Variants in SLC9A2 observed in about 807,000 individuals in gnomAD.
SLC9A2 encodes the protein solute carrier family 9 member A2, also known as sodium/hydrogen exchanger 2.
Under a neutral mutation model 71.7 loss-of-function variants are expected in SLC9A2, and 42 were observed. The ratio of observed to expected loss-of-function variants is 0.59; its 90% CI spans 0.46 to 0.76. SLC9A2 has a LOEUF of 0.76. SLC9A2 is among the 30% of genes least tolerant of loss of function. SLC9A2 has a pLI of 0.00. For synonymous variants in SLC9A2, 396 were observed against 392.5 expected, an observed-to-expected ratio of 1.01 and a Z score of -0.10; for missense variants, 829 against 1,017.4, an observed-to-expected ratio of 0.81 and a Z score of 2.52.
chr2:102,694,987 G>A (rs1677727492), intron 6 of SLC9A2, 56 bp from the exon 7 acceptor site: 1 of 1,452,594 alleles, frequency 6.9e-7, no homozygotes, highest in East Asian at 2.3e-5. Context: ...CAAGTAGAGT[G>A]AAAATTATTG....
At chr2:102,705,705 T>C (rs925495572) in intron 10 of SLC9A2, 141 bp from the exon 11 acceptor site, 4 of 520,024 alleles carry the variant, frequency 7.7e-6, no homozygotes, top group African/African-American at 6.0e-5. Context: ...ATAATAGTTA[T>C]AGCCCCTCAC....
At chr2:102,693,874 T>G (rs1353541807) in intron 5 of SLC9A2, among the ~76,000 whole-genome samples, 1 of 152,216 alleles carries the variant, frequency 6.6e-6, no homozygotes, top group Non-Finnish European at 1.5e-5. Flanking sequence ...GAAAATCGTT[T>G]TAATAAATGA....
intron 1 of SLC9A2, among the ~76,000 whole-genome samples, chr2:102,628,394 A>G (rs1349304535): frequency 4.6e-5 from 7 of 152,152 alleles, no homozygotes; most frequent in Admixed American, 1.3e-4. Flanking sequence ...CTCAGAGTCC[A>G]CAAAATCAGT....
At chr2:102,620,350 GC>G (rs1477514678) in intron 1 of SLC9A2, among the ~76,000 whole-genome samples, 1 of 152,184 alleles carries the variant, frequency 6.6e-6, no homozygotes, top group African/African-American at 2.4e-5. Flanking sequence ...CCTTGAAATG[GC>G]CCCAAGTGTA....
In SLC9A2 at chr2:102,657,810, G is replaced by A; in HGVS notation, c.536G>A (p.Trp179Ter). 1.2e-6 allele frequency: 2 copies of A among 1,614,168 alleles called. No homozygotes were observed. Among genetic ancestry groups the A allele is most frequent in the Non-Finnish European group, 1.7e-6 (2 of 1,180,020 alleles). Residue 179 changes from tryptophan (W) to a stop codon, truncating the protein, a stop_gained, in exon 2 of 12, where the codon TGG becomes TAG. Coordinates refer to ENST00000233969, the MANE Select transcript of SLC9A2 (RefSeq NM_003048.6). LOFTEE classifies it high-confidence loss of function. ...TGGTATGCTGTGGTAGGGACACTTTGGAATTCCATTGGCATTGGGGTGTCT... is the reference window on the plus strand; with the variant it reads ...TGGTATGCTGTGGTAGGGACACTTTAGAATTCCATTGGCATTGGGGTGTCT... ...IFWYAVVGTL[W>*]NSIGIGVSLF... is the part of the protein sequence containing the mutation.
At chr2:102,651,131 T>A (rs1414030924) in intron 1 of SLC9A2, among the ~76,000 whole-genome samples, 1 of 151,796 alleles carries the variant, frequency 6.6e-6, no homozygotes, top group Admixed American at 6.6e-5. Context: ...ATGCCCCCCA[T>A]CCCCCTCCTG....
chr2:102,656,009 A>G lies in SLC9A2; in HGVS notation c.290-1555A>G, dbSNP rs543584203. ...TAATCACCCCTTAAAGGCTCCATCC[A>G]CCTCTTACAGCTATCACGTTGGCAA... is the stretch of plus-strand genomic sequence containing the variant. On this transcript the variant is annotated intron_variant, in intron 1 of 11. Coordinates refer to ENST00000233969, the MANE Select transcript of SLC9A2 (RefSeq NM_003048.6). Among the ~76,000 whole-genome samples the G allele has an allele frequency of 9.2e-5, 14 of 152,256 alleles. No homozygotes were observed. In the South Asian group the frequency reaches 2.9e-3, roughly 32 times the overall value.
intron 1 of SLC9A2, among the ~76,000 whole-genome samples, chr2:102,641,056 T>C (rs529049013): frequency 6.6e-6 from 1 of 152,280 alleles, no homozygotes; most frequent in Admixed American, 6.5e-5. Context: ...AAATATATAC[T>C]TCTTGCTGAC....
intron 5 of SLC9A2, among the ~76,000 whole-genome samples, chr2:102,691,299 T>TA (rs1164753029): frequency 6.6e-6 from 1 of 152,176 alleles, no homozygotes; most frequent in East Asian, 1.9e-4. Context: ...GTATTTTTTT[T>TA]ATTCTGTATG....
At chr2:102,636,380 G>A (rs1274991320) in intron 1 of SLC9A2, among the ~76,000 whole-genome samples, 1 of 152,234 alleles carries the variant, frequency 6.6e-6, no homozygotes, top group Non-Finnish European at 1.5e-5. Context: ...ATGCAGTTAA[G>A]TGTTAGCAAC....
chr2:102,659,784 G>C (rs1677017490), intron 2 of SLC9A2, among the ~76,000 whole-genome samples: 1 of 152,146 alleles, frequency 6.6e-6, no homozygotes, highest in Admixed American at 6.5e-5. Context: ...AATTTCCAGA[G>C]GCAGAAGGCA....
At chr2:102,679,100 C>T (rs941741130) in intron 3 of SLC9A2, among the ~76,000 whole-genome samples, 1 of 152,138 alleles carries the variant, frequency 6.6e-6, no homozygotes, top group Admixed American at 6.6e-5. Context: ...ATGTTTCCTC[C>T]AGCCCCTCAG....
intron 1 of SLC9A2, among the ~76,000 whole-genome samples, chr2:102,647,319 C>T (rs534342719): frequency 6.6e-6 from 1 of 152,216 alleles, no homozygotes; most frequent in African/African-American, 2.4e-5. Flanking sequence ...ACACAAGGTA[C>T]CAGAATCTCT....
chr2:102,700,763 G>A (rs1677856955), intron 7 of SLC9A2, among the ~76,000 whole-genome samples: 1 of 152,000 alleles, frequency 6.6e-6, no homozygotes, highest in Admixed American at 6.6e-5. Context: ...AGATTTATGT[G>A]CATCAGGGTC....
In SLC9A2 at chr2:102,708,276, T is replaced by G. The variant is rs989175326; in HGVS notation, c.2226T>G (p.Asp742Glu). The G allele has an allele frequency of 5.6e-6, 9 of 1,614,028 alleles. No homozygotes were observed. Among genetic ancestry groups the G allele is most frequent in the African/African-American group, 1.3e-5 (1 of 74,904 alleles). ...AGGTAGATGTTGATTCTGGCCGAGA[T>G]ATGCCCAGCACCCCCCCAACACCCC... ...KNEVDVDSGR[D>E]MPSTPPTPHS... Residue 742 changes from aspartate (D) to glutamate (E), a missense_variant, in exon 12 of 12, where the codon GAT (aspartate) becomes GAG (glutamate). Transcript: ENST00000233969.
chr2:102,706,791 A>C (rs1573438430), intron 11 of SLC9A2, among the ~76,000 whole-genome samples: 1 of 152,258 alleles, frequency 6.6e-6, no homozygotes, highest in Non-Finnish European at 1.5e-5. Flanking sequence ...AAATTTTTAC[A>C]GTAATTCTAA....
In SLC9A2 at chr2:102,694,467, G is replaced by A; in HGVS notation, c.1479G>A (p.Lys493=). 6.5e-7 allele frequency: 1 copy of A among 1,544,002 alleles called. No individual in the cohort carries two copies. Among genetic ancestry groups the A allele is most frequent in the Admixed American group, 1.7e-5 (1 of 58,822 alleles). Residue 493 remains lysine (K), a synonymous_variant, in exon 6 of 12, where the codon AAG becomes AAA. Transcript: ENST00000233969. ...VEFLDVKRSN[K]KQQAVSEEIY... is the part of the protein sequence containing the mutation. ...TTCTTGATGTCAAGAGGTCCAATAAGAAACAACAAGCTGTCAGTGAAGAAA... is the reference window on the plus strand; with the variant it reads ...TTCTTGATGTCAAGAGGTCCAATAAAAAACAACAAGCTGTCAGTGAAGAAA...
At chr2:102,688,412 A>G (rs1438476710) in intron 5 of SLC9A2, among the ~76,000 whole-genome samples, 1 of 152,182 alleles carries the variant, frequency 6.6e-6, no homozygotes, top group Non-Finnish European at 1.5e-5. Flanking sequence ...ACGAGTTGCC[A>G]TGTTTAATAT....
chr2:102,648,978 G>T (rs1183885074), intron 1 of SLC9A2, among the ~76,000 whole-genome samples: 1 of 152,000 alleles, frequency 6.6e-6, no homozygotes. Flanking sequence ...AACTGAAAAA[G>T]ACTACTTTAA....
Sources: allele counts gnomAD v4.1 joint callset (sites outside exome capture counted in the v4.1 genomes callset), GRCh38; gene constraint gnomAD v4.1.1; transcripts MANE v1.5; gene names NCBI Gene and HGNC (gene_info 2026-07-23, HGNC 2026-07-21).